ROBO2: variants seen among roughly 807,000 people sequenced by gnomAD.
ROBO2 encodes the protein roundabout guidance receptor 2, also known as roundabout homolog 2.
A neutral mutation model predicts 160.8 loss-of-function variants in ROBO2; 53 were observed. The observed-to-expected ratio is 0.33, with a 90% CI of 0.26 to 0.41. The LOEUF (loss-of-function observed/expected upper bound fraction) is 0.41, where lower values mean the gene tolerates loss of function less well. Among genes scored for constraint, ROBO2 ranks in the 10% least tolerant of loss-of-function variants. ROBO2 has a pLI of 1.00. For missense variants in ROBO2, 1,577 were observed against 1,722.4 expected (o/e 0.92, Z 1.49); for synonymous variants, 664 against 611.7 (o/e 1.09, Z -1.26).
intron 7 of ROBO2, among the ~76,000 whole-genome samples, chr3:77,548,067 A>G (rs1170545049): frequency 6.6e-6 from 1 of 151,160 alleles, no homozygotes; most frequent in Non-Finnish European, 1.5e-5. Context: ...ACATATACAC[A>G]CATAACGCAC....
chr3:76,950,280 T>C (rs2078878169), intron 2 of ROBO2, among the ~76,000 whole-genome samples: 1 of 152,230 alleles, frequency 6.6e-6, no homozygotes, highest in Admixed American at 6.5e-5. Context: ...GAATTCTCCA[T>C]CCTTTCCAAA....
intron 17 of ROBO2, among the ~76,000 whole-genome samples, chr3:77,592,662 C>T (rs2094207276): frequency 6.6e-6 from 1 of 152,134 alleles, no homozygotes; most frequent in African/African-American, 2.4e-5. Flanking sequence ...AGCAATTCTC[C>T]TACCTCAGCC....
At chr3:75,996,847 T>C (rs923409050) in intron 2 of ROBO2, among the ~76,000 whole-genome samples, 6 of 151,778 alleles carry the variant, frequency 4.0e-5, no homozygotes, top group Non-Finnish European at 8.8e-5. Flanking sequence ...TTCTGATATA[T>C]GTAAATCATC....
intron 2 of ROBO2, among the ~76,000 whole-genome samples, chr3:76,878,827 A>C (rs1482119015): frequency 2.0e-5 from 3 of 152,168 alleles, no homozygotes; most frequent in Non-Finnish European, 2.9e-5. Context: ...AAAAATCCTA[A>C]ACTGCATTTT....
intron 2 of ROBO2, among the ~76,000 whole-genome samples, chr3:76,411,435 A>G (rs1559903854): frequency 1.3e-5 from 2 of 152,190 alleles, no homozygotes; most frequent in Non-Finnish European, 2.9e-5. Context: ...ATACTTTTCT[A>G]TTAGGTGGTT....
chr3:77,573,724 G>C (rs1490576148), intron 13 of ROBO2, among the ~76,000 whole-genome samples: 1 of 151,930 alleles, frequency 6.6e-6, no homozygotes, highest in East Asian at 1.9e-4. Flanking sequence ...TGCTCTTCTT[G>C]CCTATCTAAG....
At chr3:77,444,845 G>T (rs1373622658) in intron 2 of ROBO2, among the ~76,000 whole-genome samples, 5 of 152,184 alleles carry the variant, frequency 3.3e-5, no homozygotes, top group Non-Finnish European at 7.4e-5. Context: ...AGTGTCTCCA[G>T]TTAGGAGTTG....
At chr3:76,455,954 TA>T (rs977735796) in intron 2 of ROBO2, among the ~76,000 whole-genome samples, 6 of 152,176 alleles carry the variant, frequency 3.9e-5, no homozygotes, top group Admixed American at 2.6e-4. Context: ...CCCAGAGACA[TA>T]ATTTTTTCAG....
chr3:76,950,180 G>T (rs1223352378), intron 2 of ROBO2, among the ~76,000 whole-genome samples: 1 of 152,168 alleles, frequency 6.6e-6, no homozygotes, highest in East Asian at 1.9e-4. Context: ...AACACTGGGA[G>T]GATTACAATT....
At chr3:77,426,334 G>GTTTT (rs2078202155) in intron 2 of ROBO2, among the ~76,000 whole-genome samples, 2 of 152,082 alleles carry the variant, frequency 1.3e-5, no homozygotes, top group Non-Finnish European at 2.9e-5. Flanking sequence ...AACAGAGATG[G>GTTTT]GGCCCACTGT....
intron 2 of ROBO2, among the ~76,000 whole-genome samples, chr3:76,359,774 T>C (rs1359272882): frequency 1.3e-4 from 19 of 151,598 alleles, no homozygotes; most frequent in Admixed American, 1.3e-3. Context: ...AGCTATCTCT[T>C]TCCTTTACTT....
intron 2 of ROBO2, among the ~76,000 whole-genome samples, chr3:76,280,764 T>G (rs754904467): frequency 7.9e-5 from 12 of 152,044 alleles, no homozygotes; most frequent in Non-Finnish European, 1.6e-4. Flanking sequence ...CAGTGGGCTC[T>G]TGTATTTACT....
At chr3:76,940,204 G>A (rs1490043786) in intron 2 of ROBO2, among the ~76,000 whole-genome samples, 1 of 151,942 alleles carries the variant, frequency 6.6e-6, no homozygotes, top group Non-Finnish European at 1.5e-5. Flanking sequence ...GGATGGTCTC[G>A]ATCTCTTGAC....
intron 1 of ROBO2, among the ~76,000 whole-genome samples, chr3:75,930,441 C>T (rs957241945): frequency 1.3e-5 from 2 of 152,132 alleles, no homozygotes; most frequent in Admixed American, 1.3e-4. Context: ...TTCATTTTCC[C>T]ACCATTAGTA....
chr3:76,339,648 C>T (rs938209706), intron 2 of ROBO2, among the ~76,000 whole-genome samples: 8 of 152,018 alleles, frequency 5.3e-5, no homozygotes, highest in Non-Finnish European at 7.4e-5. Context: ...TTGGAATCTG[C>T]GTCATTTTTA....
intron 2 of ROBO2, among the ~76,000 whole-genome samples, chr3:76,059,158 T>C (rs1390960212): frequency 4.6e-5 from 7 of 152,008 alleles, no homozygotes; most frequent in East Asian, 3.9e-4. Context: ...CCTTTGGGTA[T>C]ATACCCAGTA....
At chr3:77,078,483 C>T (rs2068259700) in intron 1 of ROBO2, among the ~76,000 whole-genome samples, 2 of 152,182 alleles carry the variant, frequency 1.3e-5, no homozygotes, top group Admixed American at 1.3e-4. Context: ...TCTCAAATTT[C>T]AGTCCAGAGT....
intron 8 of ROBO2, among the ~76,000 whole-genome samples, chr3:77,553,902 G>C (rs560024566): frequency 1.8e-4 from 24 of 136,740 alleles, no homozygotes; most frequent in Non-Finnish European, 3.4e-4. Context: ...AGTTATTCAA[G>C]TTATCCAGAA....
chr3:75,985,766 A>G (rs530382321), intron 2 of ROBO2, among the ~76,000 whole-genome samples: 3 of 151,742 alleles, frequency 2.0e-5, no homozygotes, highest in South Asian at 4.1e-4. Context: ...GATTTTGACT[A>G]TTCTAAGAAC....
Sources: gnomAD v4.1 joint callset for allele counts (sites outside exome capture counted in the v4.1 genomes callset) on GRCh38, gnomAD v4.1.1 for gene constraint, MANE v1.5 for transcripts, NCBI Gene and HGNC (gene_info 2026-07-23, HGNC 2026-07-21) for gene names.